The following TENM2 variants were observed in gnomAD, a reference collection of about 807,000 sequenced individuals.
TENM2 encodes teneurin-2.
Under a neutral mutation model 245.2 loss-of-function variants are expected in TENM2, and 52 were observed. That is an observed-to-expected ratio of 0.21 (90% CI 0.17 to 0.27). TENM2 has a LOEUF of 0.27. TENM2 is among the 10% of genes least tolerant of loss of function. The pLI is 1.00. For synonymous variants in TENM2, 1,363 were observed against 1,438.9 expected, an observed-to-expected ratio of 0.95 and a Z score of 1.19; for missense variants, 3,046 against 3,666.8, an observed-to-expected ratio of 0.83 and a Z score of 4.37.
chr5:167,949,493 G>A (rs967594638), intron 3 of TENM2, among the ~76,000 whole-genome samples: 2 of 152,150 alleles, frequency 1.3e-5, no homozygotes, highest in African/African-American at 2.4e-5. Context: ...ATCCCTGAAA[G>A]AACCCATCAC....
At chr5:167,245,941 G>A in the TENM2 span, among the ~76,000 whole-genome samples, 1 of 152,126 alleles carries the variant, frequency 6.6e-6, no homozygotes, top group Admixed American at 6.5e-5. Flanking sequence ...CTAAACTGGG[G>A]TACTCAGTCA....
the TENM2 span, among the ~76,000 whole-genome samples, chr5:167,071,439 C>A: frequency 6.6e-6 from 1 of 152,088 alleles, no homozygotes; most frequent in African/African-American, 2.4e-5. Context: ...GAACCGTATT[C>A]CTTTGCTGGG....
At position 167,442,178 on chromosome 5, in the gene TENM2, A is replaced by T. The variant is rs188900118; in HGVS notation, c.502+66705A>T. 6.5e-4 allele frequency among the ~76,000 whole-genome samples: 98 copies of T among 151,900 alleles called. 1 individual carries two copies. The highest frequency in any genetic ancestry group is 6.6e-4 in the Non-Finnish European group (45 of 67,950). Reference sequence around the variant, plus strand: ...TTTAATAAATTTTTATCATTCTTTGACTCTTTTTTCATTCAGTGATATTTT... The same window carrying T: ...TTTAATAAATTTTTATCATTCTTTGTCTCTTTTTTCATTCAGTGATATTTT... On this transcript the variant is annotated intron_variant, in intron 2 of 28. Coordinates refer to ENST00000518659, the Ensembl canonical transcript of TENM2.
At position 167,887,324 on chromosome 5, in the gene TENM2, G is replaced by A. The variant is rs1043260401; in HGVS notation, c.712+11129G>A. 3.9e-5 allele frequency among the ~76,000 whole-genome samples: 6 copies of A among 152,330 alleles called. No homozygotes were observed. In the South Asian group the frequency reaches 1.2e-3, roughly 32 times the overall value. On this transcript the variant is annotated intron_variant, in intron 3 of 28. Coordinates refer to ENST00000518659, the Ensembl canonical transcript of TENM2. ...GTCTTTTTGTGTCCCTTAGCACATG[G>A]TGCAGGTAGAGATACGCTCAAGAGC... is the stretch of plus-strand genomic sequence containing the variant.
At chr5:167,576,523 A>C (rs548267785) in intron 2 of TENM2, among the ~76,000 whole-genome samples, 121 of 152,306 alleles carry the variant, frequency 7.9e-4, no homozygotes, top group Non-Finnish European at 1.3e-3. Flanking sequence ...AAATTATGAG[A>C]TTGTTCTCTT....
chr5:167,927,679 T>G (rs1777868116), intron 3 of TENM2, among the ~76,000 whole-genome samples: 1 of 152,182 alleles, frequency 6.6e-6, no homozygotes, highest in African/African-American at 2.4e-5. Flanking sequence ...TTTGTTTCTT[T>G]ATTTAAATCC....
At chr5:167,530,538 T>C (rs922288247) in intron 2 of TENM2, among the ~76,000 whole-genome samples, 1 of 152,186 alleles carries the variant, frequency 6.6e-6, no homozygotes, top group African/African-American at 2.4e-5. Flanking sequence ...ATGGCAGTTA[T>C]CAGCAGAAAG....
chr5:167,426,146 G>A (rs571741968), intron 2 of TENM2, among the ~76,000 whole-genome samples: 1 of 152,208 alleles, frequency 6.6e-6, no homozygotes, highest in African/African-American at 2.4e-5. Flanking sequence ...GGAGTATGCT[G>A]CAGTCATTCT....
chr5:167,649,626 T>C (rs1273903744), intron 2 of TENM2, among the ~76,000 whole-genome samples: 2 of 152,094 alleles, frequency 1.3e-5, no homozygotes, highest in Non-Finnish European at 2.9e-5. Context: ...TTTAAAGCGG[T>C]GCTGTAATGG....
chr5:167,623,066 A>G (rs1467177445), intron 2 of TENM2, among the ~76,000 whole-genome samples: 1 of 152,130 alleles, frequency 6.6e-6, no homozygotes, highest in African/African-American at 2.4e-5. Flanking sequence ...CCCCAAATAA[A>G]ATGTTGCAGT....
At chr5:168,151,929 G>T (rs1368698304) in intron 12 of TENM2, among the ~76,000 whole-genome samples, 1 of 152,180 alleles carries the variant, frequency 6.6e-6, no homozygotes, top group African/African-American at 2.4e-5. Context: ...GCCTCTTGGG[G>T]CACAAGATTT....
intron 2 of TENM2, among the ~76,000 whole-genome samples, chr5:167,401,827 TTG>T (rs1177802534): frequency 6.6e-6 from 1 of 152,076 alleles, no homozygotes; most frequent in East Asian, 1.9e-4. Context: ...ATAGTTAGGG[TTG>T]TTTTCAGTTG....
At chr5:167,941,760 A>G (rs1561961343) in intron 3 of TENM2, among the ~76,000 whole-genome samples, 1 of 152,012 alleles carries the variant, frequency 6.6e-6, no homozygotes, top group Non-Finnish European at 1.5e-5. Flanking sequence ...AGACTTAGTC[A>G]GGAAGATTGC....
intron 3 of TENM2, among the ~76,000 whole-genome samples, chr5:167,899,194 G>A (rs965141084): frequency 1.4e-4 from 21 of 152,166 alleles, no homozygotes; most frequent in African/African-American, 2.2e-4. Flanking sequence ...ATGCCTGCAT[G>A]TGCAGGGGAA....
intron 3 of TENM2, among the ~76,000 whole-genome samples, chr5:167,877,705 A>G (rs1462178614): frequency 6.6e-6 from 1 of 152,226 alleles, no homozygotes; most frequent in African/African-American, 2.4e-5. Context: ...CTCTTTCTTC[A>G]AATATGATGT....
intron 2 of TENM2, among the ~76,000 whole-genome samples, chr5:167,626,823 C>G (rs1778540186): frequency 6.6e-6 from 1 of 152,150 alleles, no homozygotes; most frequent in Non-Finnish European, 1.5e-5. Context: ...CACACCAGCC[C>G]CAACTGACAA....
chr5:167,802,063 C>T (rs545584969), intron 2 of TENM2, among the ~76,000 whole-genome samples: 2 of 152,092 alleles, frequency 1.3e-5, no homozygotes, highest in African/African-American at 4.8e-5. Flanking sequence ...GGTGTCCTCA[C>T]GTGGTGGAAG....
chr5:167,246,841 G>A, the TENM2 span, among the ~76,000 whole-genome samples: 3 of 151,898 alleles, frequency 2.0e-5, no homozygotes, highest in African/African-American at 7.3e-5. Context: ...TGGGGAATGT[G>A]GTGCTTCATG....
chr5:167,137,722 T>C, the TENM2 span, among the ~76,000 whole-genome samples: 1 of 152,238 alleles, frequency 6.6e-6, no homozygotes, highest in African/African-American at 2.4e-5. Context: ...GTGAGTAATA[T>C]GTATTTGTTT....
Sources: allele counts gnomAD v4.1 joint callset (sites outside exome capture counted in the v4.1 genomes callset), GRCh38; gene constraint gnomAD v4.1.1; transcripts MANE v1.5; gene names NCBI Gene and HGNC (gene_info 2026-07-23, HGNC 2026-07-21).